VPS18: variants seen among roughly 807,000 people sequenced by gnomAD.
VPS18 encodes the protein VPS18 core subunit of CORVET and HOPS complexes, also known as vacuolar protein sorting-associated protein 18 homolog.
A neutral mutation model predicts 82.0 loss-of-function variants in VPS18; 25 were observed. The observed-to-expected ratio is 0.30, with a 90% confidence interval of 0.22 to 0.43. The LOEUF is 0.43. Among genes scored for constraint, VPS18 ranks in the 20% least tolerant of loss-of-function variants. The pLI, the probability that VPS18 is intolerant of heterozygous loss-of-function variation, is 1.00. For synonymous variants in VPS18, 523 were observed against 543.0 expected, an observed-to-expected ratio of 0.96 and a Z score of 0.51; for missense variants, 1,168 against 1,311.1, an observed-to-expected ratio of 0.89 and a Z score of 1.69.
rs779440413 is a variant in VPS18 at position 40,900,930 on chromosome 15, C to T, written c.2112C>T (p.Cys704=). The T allele has an allele frequency of 4.3e-5, 69 of 1,613,222 alleles. No homozygotes were observed. The highest frequency in any genetic ancestry group is 5.5e-5 in the Non-Finnish European group (65 of 1,180,018). ...ACCTCAAGTATGCGCTGCGGCTCTG[C>T]GCCGAGCATGGCCACCACCGCGCTT... The part of the protein sequence containing the change: ...HYDLKYALRL[C]AEHGHHRACV... Residue 704 remains cysteine, a synonymous_variant, in exon 4 of 5, where the codon TGC becomes TGT. Transcript: ENST00000220509. The surrounding 1 kb of genome is among the most constrained non-coding windows in gnomAD (Gnocchi z 5.4).
Position 40,894,493 on chromosome 15 carries a change from G to A in VPS18, c.-276G>A. 2 of 343,338 alleles carry A rather than the reference G, an allele frequency of 5.8e-6. No individual in the cohort carries two copies. Among genetic ancestry groups the A allele is most frequent in the Non-Finnish European group, 1.1e-5 (2 of 189,786 alleles). The allele number at this position is 343,338 out of a possible 1,614,324, so 21.3% of individuals were successfully genotyped here. Reference sequence around the variant, plus strand: ...GGCGAGGTTGGGATCACCTGGCACCGGCTGAAGGGAGCCTGTGATTTTTTT... The same window carrying A: ...GGCGAGGTTGGGATCACCTGGCACCAGCTGAAGGGAGCCTGTGATTTTTTT... On this transcript the variant is annotated 5_prime_UTR_variant, in exon 1 of 5. Transcript: ENST00000220509.
rs142596486 is a variant in VPS18 at position 40,903,205 on chromosome 15, G to A, written c.2786G>A (p.Arg929Gln). The A allele has an allele frequency of 2.0e-5, 33 of 1,610,960 alleles. No homozygotes were observed. The highest frequency in any genetic ancestry group is 4.4e-5 in the South Asian group (4 of 90,846). Residue 929 changes from arginine to glutamine, a missense_variant, in exon 5 of 5, where the codon CGG (arginine) becomes CAG (glutamine). This residue lies in a region of VPS18 where 296 missense variants were observed against 354.0 expected (regional missense o/e 0.84). Coordinates refer to ENST00000220509, the MANE Select transcript of VPS18 (RefSeq NM_020857.3). ...GGGGCTGCCACGGCAGGGCCCAGCC[G>A]GGAACAGCTCAAGGCTGACCTGGAT... ...EGGAATAGPS[R>Q]EQLKADLDEL...
intron 4 of VPS18, among the ~76,000 whole-genome samples, chr15:40,901,477 C>G (rs917595452): frequency 1.3e-5 from 2 of 151,732 alleles, no homozygotes; most frequent in Non-Finnish European, 2.9e-5. Flanking sequence ...ATCCCAGCTA[C>G]TCAGGAGGCT....
rs745640021 is a variant in VPS18 at position 40,902,092 on chromosome 15, ATTTCTTTCTTTC to A, written c.2197-508_2197-497del. Among the ~76,000 whole-genome samples the A allele has an allele frequency of 6.7e-6, 1 of 148,578 alleles. No individual in the cohort carries two copies. The highest frequency in any genetic ancestry group is 1.5e-5 in the Non-Finnish European group (1 of 67,246). On this transcript the variant is annotated intron_variant, in intron 4 of 4. Transcript: ENST00000220509. This position sits in a 1 kb window ranked among gnomAD's most constrained non-coding sequence, Gnocchi z 4.2. ...GTATTTTGAATATGTTTCCCAGGTG[ATTTCTTTCTTTC>A]TTTCTTTCTTTCTTTTTTTTTTTTT... is the stretch of plus-strand genomic sequence containing the variant.
chr15:40,903,190 C>CAGCCGGGA lies in VPS18; in HGVS notation c.2771_2772insAGCCGGGA (p.Pro927ArgfsTer27). On this transcript the variant is annotated frameshift_variant, in exon 5 of 5. Coordinates refer to ENST00000220509, the MANE Select transcript of VPS18 (RefSeq NM_020857.3). LOFTEE classifies it high-confidence loss of function. ...AAGGAGGCCGAGGGTGGGGCTGCCA[C>CAGCCGGGA]GGCAGGGCCCAGCCGGGAACAGCTC... 1.2e-6 allele frequency: 2 copies of CAGCCGGGA among 1,609,070 alleles called. No homozygotes were observed. The highest frequency in any genetic ancestry group is 1.7e-6 in the Non-Finnish European group (2 of 1,177,684).
At chr15:40,897,210 G>T (rs571279612) in intron 2 of VPS18, among the ~76,000 whole-genome samples, 2 of 152,140 alleles carry the variant, frequency 1.3e-5, no homozygotes, top group South Asian at 2.1e-4. Context: ...CAGGAGAATG[G>T]CTTGAACCCG....
intron 2 of VPS18, 128 bp from the exon 3 acceptor site, chr15:40,898,779 A>G (rs1482315479): frequency 2.9e-6 from 3 of 1,039,876 alleles, no homozygotes; most frequent in South Asian, 1.4e-5. Flanking sequence ...GCCTGTATTC[A>G]GCATTTTATG....
Position 40,903,053 on chromosome 15 carries a change from C to T in VPS18, c.2634C>T (p.Cys878=), listed in dbSNP as rs1892389388. ...FLCGHMFHAD[C]LLQAVRPGLP... The stretch of plus-strand genomic sequence containing the variant: ...GTGGCCATATGTTCCATGCTGACTG[C>T]CTGCTGCAGGCTGTGCGACCTGGCC... Residue 878 remains cysteine, a synonymous_variant, in exon 5 of 5, where the codon TGC becomes TGT. Coordinates refer to ENST00000220509, the MANE Select transcript of VPS18 (RefSeq NM_020857.3). The T allele has an allele frequency of 6.2e-7, 1 of 1,614,146 alleles. No homozygotes were observed. Among genetic ancestry groups the T allele is most frequent in the African/African-American group, 1.3e-5 (1 of 74,954 alleles).
chr15:40,898,976 C>G lies in VPS18; in HGVS notation c.303C>G (p.His101Gln). Reference sequence around the variant, plus strand: ...GACGTAAGGATGACGCAAAAGTTCACAAGATGTTCCTTGACCATACTGGTA... The same window carrying G: ...GACGTAAGGATGACGCAAAAGTTCAGAAGATGTTCCTTGACCATACTGGTA... ...ELGRKDDAKV[H>Q]KMFLDHTGSH... The change falls in exon 3 of 5, where the codon CAC (histidine) becomes CAG (glutamine). Residue 101 changes from histidine to glutamine, a missense_variant. His to Gln is a conservative substitution (Grantham distance 24, BLOSUM62 0). Around this residue, in one of 3 missense-constraint regions of VPS18, gnomAD observed 868 missense variants for 939.8 expected, o/e 0.92. Coordinates refer to ENST00000220509, the MANE Select transcript of VPS18 (RefSeq NM_020857.3). The G allele has an allele frequency of 1.2e-6, 2 of 1,614,072 alleles. No homozygotes were observed. Among genetic ancestry groups the G allele is most frequent in the Non-Finnish European group, 1.7e-6 (2 of 1,180,010 alleles).
In VPS18 at chr15:40,900,482, A is replaced by G; in HGVS notation, c.1664A>G (p.His555Arg). Reference protein sequence around the residue: ...ELLASHGDTEHMVYFAVIMQD... With the variant: ...ELLASHGDTERMVYFAVIMQD... Reference sequence around the variant, plus strand: ...CTCGCCAGTCATGGGGACACAGAACACATGGTGTACTTTGCAGTGATCATG... The same window carrying G: ...CTCGCCAGTCATGGGGACACAGAACGCATGGTGTACTTTGCAGTGATCATG... Residue 555 changes from histidine (H) to arginine (R), a missense_variant, in exon 4 of 5, where the codon CAC becomes CGC. His to Arg is a conservative substitution (Grantham distance 29, BLOSUM62 0). Around this residue, in one of 3 missense-constraint regions of VPS18, gnomAD observed 868 missense variants for 939.8 expected, o/e 0.92. Coordinates refer to ENST00000220509, the MANE Select transcript of VPS18 (RefSeq NM_020857.3). The surrounding 1 kb of genome is among the most constrained non-coding windows in gnomAD (Gnocchi z 5.4). 2 of 1,614,154 alleles carry G rather than the reference A, an allele frequency of 1.2e-6. No homozygotes were observed. Among genetic ancestry groups the G allele is most frequent in the Non-Finnish European group, 1.7e-6 (2 of 1,180,024 alleles).
Position 40,903,590 on chromosome 15 carries a change from C to G in VPS18, c.*249C>G, listed in dbSNP as rs1484367483. The G allele has an allele frequency of 8.0e-5, 35 of 438,756 alleles. No homozygotes were observed. The East Asian group carries it at 1.3e-3, about 17-fold the overall frequency. The allele number at this position is 438,756 out of a possible 1,614,324, so 27.2% of individuals were successfully genotyped here. On this transcript the variant is annotated 3_prime_UTR_variant, in exon 5 of 5. Transcript: ENST00000220509. ...CTGCCTCCCAGTAGAGGCCCTTCAC[C>G]TGGAGAAGTCAGAAATCTGACCCAA...
chr15:40,899,388 C>G lies in VPS18; in HGVS notation c.570C>G (p.Phe190Leu). 1 of 1,608,404 alleles carries G rather than the reference C, an allele frequency of 6.2e-7. No individual in the cohort carries two copies. The highest frequency in any genetic ancestry group is 8.5e-7 in the Non-Finnish European group (1 of 1,175,572). ...TCGGCCCTGCTCCGGATCTCTACTT[C>G]CGCCCATTGTACGTGCTAAATGAAG... ...GLFGPAPDLY[F>L]RPLYVLNEEG... Residue 190 changes from phenylalanine (F) to leucine (L), a missense_variant, in exon 4 of 5, where the codon TTC (phenylalanine) becomes TTG (leucine). This residue lies in a region of VPS18 where 868 missense variants were observed against 939.8 expected (regional missense o/e 0.92). Coordinates refer to ENST00000220509, the MANE Select transcript of VPS18 (RefSeq NM_020857.3). This position sits in a 1 kb window ranked among gnomAD's most constrained non-coding sequence, Gnocchi z 4.4.
rs767748757 is a variant in VPS18, at chr15:40,900,339, G to A, written c.1521G>A (p.Gln507=). 3 of 1,613,648 alleles carry A rather than the reference G, an allele frequency of 1.9e-6. No homozygotes were observed. The highest frequency in any genetic ancestry group is 3.3e-5 in the Admixed American group (2 of 60,022). ...ACCTGAGCCGGCTTGGGGCTCTGCA[G>A]GGCGACCCAGAGGCCCTGACTCTCT... ...ELYLSRLGAL[Q]GDPEALTLYR... is the part of the protein sequence containing the mutation. Residue 507 remains glutamine (Q), a synonymous_variant, in exon 4 of 5, where the codon CAG becomes CAA. Coordinates refer to ENST00000220509, the MANE Select transcript of VPS18 (RefSeq NM_020857.3). This position sits in a 1 kb window ranked among gnomAD's most constrained non-coding sequence, Gnocchi z 5.4.
intron 1 of VPS18, 81 bp from the exon 2 acceptor site, chr15:40,895,857 C>T: frequency 6.3e-7 from 1 of 1,575,738 alleles, no homozygotes; most frequent in East Asian, 2.2e-5. Context: ...TGGCGAGGAG[C>T]ACTGTGGTGT....
At position 40,902,811 on chromosome 15, in the gene VPS18, A is replaced by G. The variant is rs1216086981; in HGVS notation, c.2392A>G (p.Ile798Val). 5 of 1,614,226 alleles carry G rather than the reference A, an allele frequency of 3.1e-6. No homozygotes were observed. The highest frequency in any genetic ancestry group is 4.2e-6 in the Non-Finnish European group (5 of 1,180,046). The change falls in exon 5 of 5, where the codon ATC becomes GTC. Residue 798 changes from isoleucine (I) to valine (V), a missense_variant. Physicochemically the swap from Ile to Val is conservative, Grantham distance 29. Around this residue, in one of 3 missense-constraint regions of VPS18, gnomAD observed 296 missense variants for 354.0 expected, o/e 0.84. Transcript: ENST00000220509. The surrounding 1 kb of genome is among the most constrained non-coding windows in gnomAD (Gnocchi z 4.2). ...VLPFFPDFVTIDHFKEAICSS... is the reference protein window; with the variant it reads ...VLPFFPDFVTVDHFKEAICSS... ...GCCCTTCTTTCCTGATTTCGTCACC[A>G]TCGACCACTTCAAGGAGGCGATCTG...
Position 40,903,037 on chromosome 15 carries a change from T to C in VPS18, c.2618T>C (p.Met873Thr). 2 of 1,614,264 alleles carry C rather than the reference T, an allele frequency of 1.2e-6. No individual in the cohort carries two copies. The highest frequency in any genetic ancestry group is 1.7e-6 in the Non-Finnish European group (2 of 1,180,048). ...RPFYLFLCGH[M>T]FHADCLLQAV... ...TTTTACCTCTTCCTCTGTGGCCATA[T>C]GTTCCATGCTGACTGCCTGCTGCAG... The change falls in exon 5 of 5, where the codon ATG becomes ACG. Residue 873 changes from methionine (M) to threonine (T), a missense_variant. By Grantham distance (81) the Met-to-Thr change is moderately conservative. Around this residue, in one of 3 missense-constraint regions of VPS18, gnomAD observed 296 missense variants for 354.0 expected, o/e 0.84. Coordinates refer to ENST00000220509, the MANE Select transcript of VPS18 (RefSeq NM_020857.3).
Position 40,899,454 on chromosome 15 carries a change from G to A in VPS18, c.636G>A (p.Arg212=), listed in dbSNP as rs769480945. ...PAPVCSLEAE[R]GPDGRSFVIA... The stretch of plus-strand genomic sequence containing the variant: ...CTGTGTGCTCCCTTGAGGCCGAGCG[G>A]GGCCCTGATGGGCGTAGCTTTGTTA... The change falls in exon 4 of 5, where the codon CGG becomes CGA. Residue 212 remains arginine (R), a synonymous_variant. Coordinates refer to ENST00000220509, the MANE Select transcript of VPS18 (RefSeq NM_020857.3). This position sits in a 1 kb window ranked among gnomAD's most constrained non-coding sequence, Gnocchi z 4.4. The A allele has an allele frequency of 3.0e-5, 48 of 1,607,008 alleles. No individual in the cohort carries two copies. Among genetic ancestry groups the A allele is most frequent in the Non-Finnish European group, 3.8e-5 (45 of 1,175,374 alleles).
Position 40,902,927 on chromosome 15 carries a change from C to A in VPS18, c.2508C>A (p.Asp836Glu), listed in dbSNP as rs760855215. The change falls in exon 5 of 5, where the codon GAC (aspartate) becomes GAA (glutamate). Residue 836 changes from aspartate (D) to glutamate (E), a missense_variant. Asp to Glu is a conservative substitution (Grantham distance 45). Around this residue, in one of 3 missense-constraint regions of VPS18, gnomAD observed 296 missense variants for 354.0 expected, o/e 0.84. Coordinates refer to ENST00000220509, the MANE Select transcript of VPS18 (RefSeq NM_020857.3). The surrounding 1 kb of genome is among the most constrained non-coding windows in gnomAD (Gnocchi z 4.2). ...CCAGTGCCCAGCGCATCCGGCGAGACCTGCAGGAGCTGCGGGGCCGCTACG... is the reference window on the plus strand; with the variant it reads ...CCAGTGCCCAGCGCATCCGGCGAGAACTGCAGGAGCTGCGGGGCCGCTACG... ...ATASAQRIRRDLQELRGRYGT... is the reference protein window; with the variant it reads ...ATASAQRIRRELQELRGRYGT... 35 of 1,614,284 alleles carry A rather than the reference C, an allele frequency of 2.2e-5. No individual in the cohort carries two copies. Among genetic ancestry groups the A allele is most frequent in the Middle Eastern group, 1.6e-4 (1 of 6,062 alleles).
intron 1 of VPS18, among the ~76,000 whole-genome samples, chr15:40,895,649 C>T (rs1892216464): frequency 6.6e-6 from 1 of 152,214 alleles, no homozygotes; most frequent in Non-Finnish European, 1.5e-5. Flanking sequence ...TCCCGTCCCA[C>T]CTCCACGCAG....
Sources: allele counts gnomAD v4.1 joint callset (sites outside exome capture counted in the v4.1 genomes callset), GRCh38; gene constraint gnomAD v4.1.1; regional missense constraint gnomAD v4.1.1; non-coding constraint Gnocchi (gnomAD v3.1); transcripts MANE v1.5; gene names NCBI Gene and HGNC (gene_info 2026-07-23, HGNC 2026-07-21).